Variants in PPP2R2C observed in about 807,000 individuals in gnomAD.
The protein encoded by PPP2R2C is protein phosphatase 2, regulatory subunit B, gamma.
A neutral mutation model predicts 45.3 loss-of-function variants in PPP2R2C; 10 were observed. That is an observed-to-expected ratio of 0.22 (90% confidence interval 0.14 to 0.37). The LOEUF (loss-of-function observed/expected upper bound fraction) is 0.37. PPP2R2C is among the 10% of genes least tolerant of loss of function. The pLI, the probability that PPP2R2C is intolerant of heterozygous loss-of-function variation, is 1.00. For synonymous variants in PPP2R2C, 257 were observed against 245.4 expected (o/e 1.05, Z -0.44); for missense variants, 308 against 619.7 (o/e 0.50, Z 5.34).
At chr4:6,472,076 G>C in intron 1 of PPP2R2C, 84 bp downstream of exon 1, 4 of 1,571,674 alleles carry the variant, frequency 2.5e-6, no homozygotes, top group Non-Finnish European at 3.5e-6. Context: ...ACATCGCGCG[G>C]TCCAAACCTT....
chr4:6,351,072 A>G, intron 5 of PPP2R2C: 1 of 962,262 alleles, frequency 1.0e-6, no homozygotes, highest in Non-Finnish European at 1.2e-6. Flanking sequence ...TGGGAGGTCA[A>G]GGCGAGCAGG....
At chr4:6,552,712 T>A (rs75892014) in intron 1 of PPP2R2C, among the ~76,000 whole-genome samples, 1,980 of 152,308 alleles carry the variant, frequency 0.013, 17 homozygotes, top group South Asian at 0.028. Context: ...CCTTTTGCCA[T>A]GTAAGGTAAC....
intron 2 of PPP2R2C, among the ~76,000 whole-genome samples, chr4:6,506,876 C>T (rs907986518): frequency 2.0e-5 from 3 of 152,218 alleles, no homozygotes; most frequent in African/African-American, 7.2e-5. Context: ...GGGCTGTCAA[C>T]ATATGGCCTC....
At chr4:6,519,367 A>T (rs536103758) in intron 2 of PPP2R2C, among the ~76,000 whole-genome samples, 1 of 152,280 alleles carries the variant, frequency 6.6e-6, no homozygotes, top group South Asian at 2.1e-4. Context: ...GAGGAGGGAG[A>T]ACAGAGCCAG....
chr4:6,329,440 G>T lies in PPP2R2C; in HGVS notation c.961-87C>A. 1.7e-6 allele frequency: 2 copies of T among 1,176,394 alleles called. No individual in the cohort carries two copies. The highest frequency in any genetic ancestry group is 1.8e-5 in the Admixed American group (1 of 55,120). 72.9% of individuals were successfully genotyped at this position (1,176,394 alleles called of 1,614,324 possible). Reference sequence around the variant, plus strand: ...AGAAGGGTCTCAAAGAGCAGCGAGGGTCTGCATGCCCTGACATGGCCCAGC... The same window carrying T: ...AGAAGGGTCTCAAAGAGCAGCGAGGTTCTGCATGCCCTGACATGGCCCAGC... On this transcript the variant is annotated intron_variant, in intron 7 of 8. Coordinates refer to ENST00000382599, the MANE Select transcript of PPP2R2C (RefSeq NM_020416.4). The surrounding 1 kb of genome is among the most constrained non-coding windows in gnomAD (Gnocchi z 5.8).
intron 2 of PPP2R2C, among the ~76,000 whole-genome samples, chr4:6,531,259 C>T (rs1724387712): frequency 6.6e-6 from 1 of 152,178 alleles, no homozygotes; most frequent in Non-Finnish European, 1.5e-5. Flanking sequence ...TCTGAGGGTG[C>T]AGATGGCAGT....
At chr4:6,333,237 C>A (rs764386781) in intron 7 of PPP2R2C, among the ~76,000 whole-genome samples, 57 of 152,270 alleles carry the variant, frequency 3.7e-4, no homozygotes, top group Non-Finnish European at 7.1e-4. Context: ...GGGAGGGAAG[C>A]CATCGTCTAC....
intron 1 of PPP2R2C, among the ~76,000 whole-genome samples, chr4:6,559,282 A>T (rs1267036953): frequency 2.6e-5 from 4 of 152,164 alleles, no homozygotes; most frequent in Non-Finnish European, 4.4e-5. Flanking sequence ...GCACGTCCAC[A>T]CCCTCACAAG....
At chr4:6,381,519 C>A in intron 1 of PPP2R2C, 1 of 1,390,370 alleles carries the variant, frequency 7.2e-7, no homozygotes, top group Non-Finnish European at 9.3e-7. Context: ...CCAATATCTC[C>A]ATAGATAAGC....
intron 2 of PPP2R2C, among the ~76,000 whole-genome samples, chr4:6,485,756 T>A (rs1722509227): frequency 6.6e-6 from 1 of 152,000 alleles, no homozygotes; most frequent in Non-Finnish European, 1.5e-5. Flanking sequence ...ATCTTCTCTC[T>A]TATTGTCCTG....
At chr4:6,511,861 GTGA>G (rs1560594548) in intron 2 of PPP2R2C, among the ~76,000 whole-genome samples, 8 of 53,028 alleles carry the variant, frequency 1.5e-4, no homozygotes, top group Admixed American at 7.6e-4. Context: ...GGTGGTGGTG[GTGA>G]TGGTGGTGGT....
At position 6,328,882 on chromosome 4, in the gene PPP2R2C, G is replaced by C. The variant is rs1478257268; in HGVS notation, c.1052+380C>G. 6.6e-6 allele frequency among the ~76,000 whole-genome samples: 1 copy of C among 152,192 alleles called. No individual in the cohort carries two copies. The highest frequency in any genetic ancestry group is 1.5e-5 in the Non-Finnish European group (1 of 68,030). On this transcript the variant is annotated intron_variant, in intron 8 of 8. Transcript: ENST00000382599. This position sits in a 1 kb window ranked among gnomAD's most constrained non-coding sequence, Gnocchi z 4.4. ...GTCAAAGCCACAGGGGTGCAGGGCT[G>C]TCTCAGGACATACAGGTGTGGATGG...
intron 6 of PPP2R2C, 90 bp downstream of exon 6, chr4:6,347,756 C>T (rs920338233): frequency 1.2e-5 from 17 of 1,449,374 alleles, no homozygotes; most frequent in Middle Eastern, 4.9e-4. Context: ...CCCACACCCA[C>T]CACCCCTGCA....
chr4:6,384,736 A>C, intron 1 of PPP2R2C: 1 of 985,494 alleles, frequency 1.0e-6, no homozygotes. Context: ...TGTCATTTTC[A>C]TATCTGCTAC....
At chr4:6,371,913 C>G (rs1204747500) in intron 5 of PPP2R2C, among the ~76,000 whole-genome samples, 1 of 152,118 alleles carries the variant, frequency 6.6e-6, no homozygotes, top group Non-Finnish European at 1.5e-5. Flanking sequence ...GCAGGCCAAG[C>G]CTCGCCCTGC....
At chr4:6,459,751 C>T (rs977816996) in intron 1 of PPP2R2C, among the ~76,000 whole-genome samples, 8 of 152,084 alleles carry the variant, frequency 5.3e-5, no homozygotes, top group Admixed American at 5.2e-4. Flanking sequence ...CACGACACTG[C>T]ACTCCAGCCT....
In PPP2R2C at chr4:6,331,382, G is replaced by C. The variant is rs990135315; in HGVS notation, c.961-2029C>G. Among the ~76,000 whole-genome samples, 1 of 151,938 alleles carries C rather than the reference G, an allele frequency of 6.6e-6. No homozygotes were observed. The highest frequency in any genetic ancestry group is 1.5e-5 in the Non-Finnish European group (1 of 67,986). ...CCCCACCTCCCAGGACAGCTGGGAG[G>C]CTTAGATGAGGCAAAGCATATTATG... On this transcript the variant is annotated intron_variant, in intron 7 of 8. Transcript: ENST00000382599. The surrounding 1 kb of genome is among the most constrained non-coding windows in gnomAD (Gnocchi z 5.9).
At chr4:6,348,112 T>A in intron 5 of PPP2R2C, 102 bp from the exon 6 acceptor site, 2 of 1,373,594 alleles carry the variant, frequency 1.5e-6, no homozygotes, top group Non-Finnish European at 2.0e-6. Flanking sequence ...CCGTCCACCC[T>A]CGCGTCTGAG....
chr4:6,401,347 C>G (rs538568810), intron 1 of PPP2R2C, among the ~76,000 whole-genome samples: 1 of 152,056 alleles, frequency 6.6e-6, no homozygotes, highest in Non-Finnish European at 1.5e-5. Context: ...TGTCAGGAAC[C>G]GTCTTTGGAC....
Sources: gnomAD v4.1 joint callset for allele counts (sites outside exome capture counted in the v4.1 genomes callset) on GRCh38, gnomAD v4.1.1 for gene constraint, Gnocchi (gnomAD v3.1) non-coding constraint, MANE v1.5 for transcripts, NCBI Gene and HGNC (gene_info 2026-07-23, HGNC 2026-07-21) for gene names.